PAWR: variants seen among roughly 807,000 people sequenced by gnomAD.
PAWR encodes the protein PRKC apoptosis WT1 regulator protein.
A neutral mutation model predicts 32.0 loss-of-function variants in PAWR; 23 were observed. That is an observed-to-expected ratio of 0.72 (90% confidence interval 0.52 to 1.02). PAWR has a LOEUF of 1.02. PAWR is among the 50% of genes least tolerant of loss of function. PAWR has a pLI of 0.00. For missense variants in PAWR, 457 were observed against 437.7 expected, an observed-to-expected ratio of 1.04 and a Z score of -0.39; for synonymous variants, 226 against 187.1, an observed-to-expected ratio of 1.21 and a Z score of -1.70.
At chr12:79,650,451 C>A (rs1396066589) in intron 2 of PAWR, among the ~76,000 whole-genome samples, 1 of 152,106 alleles carries the variant, frequency 6.6e-6, no homozygotes, top group Admixed American at 6.6e-5. Flanking sequence ...AAGGACTGTA[C>A]ATGAGGATTC....
At chr12:79,686,888 C>T (rs2136897112) in intron 2 of PAWR, among the ~76,000 whole-genome samples, 1 of 152,122 alleles carries the variant, frequency 6.6e-6, no homozygotes, top group Non-Finnish European at 1.5e-5. Flanking sequence ...GTAATTATGC[C>T]TTATCCTTCT....
chr12:79,625,356 T>C (rs1875237186), intron 2 of PAWR, among the ~76,000 whole-genome samples: 1 of 152,044 alleles, frequency 6.6e-6, no homozygotes, highest in Non-Finnish European at 1.5e-5. Context: ...GAAGAAATAA[T>C]AGCTGAATTT....
chr12:79,652,232 G>C (rs138946120), intron 2 of PAWR, among the ~76,000 whole-genome samples: 1 of 152,024 alleles, frequency 6.6e-6, no homozygotes, highest in Non-Finnish European at 1.5e-5. Context: ...AAAATGGTTC[G>C]ATGCTAAGTT....
chr12:79,608,961 C>T (rs1874317248), intron 4 of PAWR, among the ~76,000 whole-genome samples: 1 of 152,118 alleles, frequency 6.6e-6, no homozygotes, highest in Non-Finnish European at 1.5e-5. Flanking sequence ...AGGAGAATCA[C>T]TTGAGCTCAG....
Position 79,621,253 on chromosome 12 carries a change from CT to C in PAWR, c.517-47del, listed in dbSNP as rs2307224. ...CCATTTTATTTCTACTATTAATAGA[CT>C]GTTTCGATAATATGTGAAAATATAT... On this transcript the variant is annotated intron_variant, in intron 2 of 6. Coordinates refer to ENST00000328827, the MANE Select transcript of PAWR (RefSeq NM_002583.4). 3.9e-5 allele frequency: 55 copies of C among 1,394,058 alleles called. No individual in the cohort carries two copies. In the Admixed American group the frequency reaches 1.0e-3, roughly 27 times the overall value. 86.4% of individuals were successfully genotyped at this position (1,394,058 alleles called of 1,614,324 possible).
chr12:79,679,513 A>G (rs191101798), intron 2 of PAWR, among the ~76,000 whole-genome samples: 25 of 152,334 alleles, frequency 1.6e-4, no homozygotes, highest in African/African-American at 5.8e-4. Flanking sequence ...AATTATGGAG[A>G]AAAAACAGTA....
intron 4 of PAWR, among the ~76,000 whole-genome samples, chr12:79,611,682 CTT>C (rs1201625685): frequency 6.6e-6 from 1 of 151,716 alleles, no homozygotes; most frequent in East Asian, 1.9e-4. Flanking sequence ...TGATGGGAAA[CTT>C]TAAGATATTT....
At chr12:79,677,027 A>G (rs1878202564) in intron 2 of PAWR, among the ~76,000 whole-genome samples, 1 of 152,108 alleles carries the variant, frequency 6.6e-6, no homozygotes, top group African/African-American at 2.4e-5. Context: ...TGTTTTTCTG[A>G]GTTAGATTAT....
At chr12:79,630,010 A>G (rs933856702) in intron 2 of PAWR, among the ~76,000 whole-genome samples, 1 of 152,082 alleles carries the variant, frequency 6.6e-6, no homozygotes, top group African/African-American at 2.4e-5. Flanking sequence ...TTTATTTTAG[A>G]AAAAAAGAAG....
intron 2 of PAWR, among the ~76,000 whole-genome samples, chr12:79,662,135 G>A (rs1394089371): frequency 6.8e-6 from 1 of 147,236 alleles, no homozygotes; most frequent in East Asian, 2.0e-4. Flanking sequence ...TTCAGAGGCT[G>A]AGGTAGGAGG....
chr12:79,643,253 C>T (rs1350235744), intron 2 of PAWR, among the ~76,000 whole-genome samples: 1 of 152,014 alleles, frequency 6.6e-6, no homozygotes, highest in Non-Finnish European at 1.5e-5. Context: ...AGATATTTAC[C>T]AATTTATATA....
At chr12:79,658,091 A>T (rs938537100) in intron 2 of PAWR, among the ~76,000 whole-genome samples, 2 of 152,146 alleles carry the variant, frequency 1.3e-5, no homozygotes, top group African/African-American at 4.8e-5. Context: ...TCATATCCAA[A>T]AATTTGTGTC....
chr12:79,612,561 A>T (rs1056975118), intron 4 of PAWR, among the ~76,000 whole-genome samples: 3 of 152,194 alleles, frequency 2.0e-5, no homozygotes, highest in Non-Finnish European at 4.4e-5. Flanking sequence ...ACTGTTGACT[A>T]GGTTTATAAC....
chr12:79,632,361 A>ATTTTT (rs755937992), intron 2 of PAWR, among the ~76,000 whole-genome samples: 7 of 20,606 alleles, frequency 3.4e-4, no homozygotes, highest in East Asian at 1.7e-3. Context: ...ATATATATAT[A>ATTTTT]TTTTTTTTTT....
intron 4 of PAWR, among the ~76,000 whole-genome samples, chr12:79,598,780 T>A (rs1466954280): frequency 6.6e-6 from 1 of 152,196 alleles, no homozygotes; most frequent in African/African-American, 2.4e-5. Context: ...TGTCACCTGA[T>A]CTTATCTGCC....
At position 79,623,068 on chromosome 12, in the gene PAWR, T is replaced by C. The variant is rs8176859; in HGVS notation, c.517-1861A>G. Reference sequence around the variant, plus strand: ...ATTCTTTTTGGGAAGAACCTGGAAATAGCAATGCAGAGAACAGGAACAAGA... The same window carrying C: ...ATTCTTTTTGGGAAGAACCTGGAAACAGCAATGCAGAGAACAGGAACAAGA... On this transcript the variant is annotated intron_variant, in intron 2 of 6. Coordinates refer to ENST00000328827, the MANE Select transcript of PAWR (RefSeq NM_002583.4). 2.6e-3 allele frequency among the ~76,000 whole-genome samples: 394 copies of C among 152,206 alleles called. 5 individuals carry two copies. The East Asian group carries it at 0.06, about 23-fold the overall frequency.
intron 4 of PAWR, chr12:79,604,354 A>G (rs1337679595): frequency 9.9e-7 from 1 of 1,005,110 alleles, no homozygotes; most frequent in African/African-American, 1.7e-5. Context: ...CCCCTCTGGG[A>G]ATTTTCGCAT....
In PAWR at chr12:79,590,510, A is replaced by C. The variant is rs1328058998; in HGVS notation, c.*2097T>G. ...GCCACTGCACCCAGCCTAATAACTG[A>C]TATAATTTTTTTAAGTGAAATGAAA... On this transcript the variant is annotated 3_prime_UTR_variant, in exon 7 of 7. Coordinates refer to ENST00000328827, the MANE Select transcript of PAWR (RefSeq NM_002583.4). 4 of 149,582 alleles carry C rather than the reference A, an allele frequency of 2.7e-5. No homozygotes were observed. The highest frequency in any genetic ancestry group is 6.0e-5 in the Non-Finnish European group (4 of 66,656). 9.3% of individuals were successfully genotyped at this position (149,582 alleles called of 1,614,324 possible).
intron 2 of PAWR, among the ~76,000 whole-genome samples, chr12:79,663,567 G>A (rs1276749228): frequency 1.3e-5 from 2 of 152,100 alleles, no homozygotes; most frequent in Non-Finnish European, 2.9e-5. Context: ...AGACTAGCCT[G>A]GGCAACATGG....
Sources: gnomAD v4.1 joint callset for allele counts (sites outside exome capture counted in the v4.1 genomes callset) on GRCh38, gnomAD v4.1.1 for gene constraint, MANE v1.5 for transcripts, NCBI Gene and HGNC (gene_info 2026-07-23, HGNC 2026-07-21) for gene names.